Variants in ERP44 observed in about 807,000 individuals in gnomAD.
ERP44 encodes endoplasmic reticulum protein 44, also known as endoplasmic reticulum resident protein 44.
A neutral mutation model predicts 53.4 loss-of-function variants in ERP44; 25 were observed. The observed-to-expected ratio is 0.47, with a 90% confidence interval of 0.34 to 0.65. The LOEUF (loss-of-function observed/expected upper bound fraction) is 0.65. Among genes scored for constraint, ERP44 ranks in the 30% least tolerant of loss-of-function variants. The pLI, the probability that ERP44 is intolerant of heterozygous loss-of-function variation, is 0.01. For synonymous variants in ERP44, 145 were observed against 161.2 expected (o/e 0.90, Z 0.76); for missense variants, 338 against 493.2 (o/e 0.69, Z 2.98).
At chr9:100,015,532 G>A (rs555044541) in intron 8 of ERP44, among the ~76,000 whole-genome samples, 2 of 152,202 alleles carry the variant, frequency 1.3e-5, no homozygotes, top group South Asian at 4.2e-4. Context: ...GACTGAGGTC[G>A]GTTACCTATC....
intron 4 of ERP44, among the ~76,000 whole-genome samples, chr9:100,052,173 A>G (rs1313090035): frequency 1.2e-4 from 18 of 152,158 alleles, no homozygotes. Flanking sequence ...TTTTTTAAAT[A>G]ACAACAAAAA....
intron 10 of ERP44, among the ~76,000 whole-genome samples, chr9:99,997,417 A>G (rs1392062314): frequency 6.6e-6 from 1 of 152,182 alleles, no homozygotes; most frequent in Non-Finnish European, 1.5e-5. Context: ...TTTTTAACAA[A>G]ATTTTTATTT....
intron 7 of ERP44, among the ~76,000 whole-genome samples, chr9:100,016,785 A>C (rs1170135060): frequency 6.6e-6 from 1 of 152,246 alleles, no homozygotes; most frequent in Non-Finnish European, 1.5e-5. Flanking sequence ...AACATAGATC[A>C]TGGAACTTCC....
intron 10 of ERP44, among the ~76,000 whole-genome samples, chr9:99,997,242 G>A (rs1329203280): frequency 2.6e-5 from 4 of 152,104 alleles, no homozygotes; most frequent in African/African-American, 4.8e-5. Flanking sequence ...CACAGCGGCT[G>A]TACTAGTCTA....
At chr9:100,039,471 T>G (rs1012158678) in intron 4 of ERP44, among the ~76,000 whole-genome samples, 2 of 152,112 alleles carry the variant, frequency 1.3e-5, no homozygotes, top group African/African-American at 4.8e-5. Context: ...AATTGAAAAT[T>G]TTATTGAAAC....
intron 2 of ERP44, among the ~76,000 whole-genome samples, chr9:100,058,295 T>A (rs190932626): frequency 9.8e-5 from 15 of 152,302 alleles, no homozygotes; most frequent in Non-Finnish European, 2.1e-4. Context: ...CAGGCTGGTC[T>A]CGAACTCCTG....
At chr9:100,005,223 T>C (rs1196912797) in intron 10 of ERP44, among the ~76,000 whole-genome samples, 2 of 152,210 alleles carry the variant, frequency 1.3e-5, no homozygotes, top group South Asian at 2.1e-4. Context: ...CAAAACTTTA[T>C]ACCTACCTTC....
At chr9:99,995,416 T>C (rs1388665722) in intron 10 of ERP44, among the ~76,000 whole-genome samples, 1 of 152,216 alleles carries the variant, frequency 6.6e-6, no homozygotes, top group African/African-American at 2.4e-5. Flanking sequence ...TTCTCTATCA[T>C]ACAGGAAAAG....
intron 4 of ERP44, among the ~76,000 whole-genome samples, chr9:100,035,720 C>T (rs1825842807): frequency 6.6e-6 from 1 of 151,802 alleles, no homozygotes; most frequent in South Asian, 2.1e-4. Context: ...AATAAAAAAA[C>T]AAAAAGTGGA....
intron 3 of ERP44, among the ~76,000 whole-genome samples, chr9:100,054,052 G>T (rs1361844963): frequency 6.6e-6 from 1 of 152,120 alleles, no homozygotes; most frequent in South Asian, 2.1e-4. Context: ...TTCCTAAGGA[G>T]ATGTCCTAGA....
intron 3 of ERP44, among the ~76,000 whole-genome samples, chr9:100,055,683 T>C (rs941051478): frequency 6.6e-6 from 1 of 152,248 alleles, no homozygotes; most frequent in African/African-American, 2.4e-5. Flanking sequence ...GTGATTATCC[T>C]ACTTTGTACA....
chr9:100,035,959 C>A (rs928356326), intron 4 of ERP44, among the ~76,000 whole-genome samples: 3 of 152,142 alleles, frequency 2.0e-5, no homozygotes, highest in African/African-American at 7.2e-5. Flanking sequence ...GGAAAGTAAA[C>A]TACTCCAACT....
rs1000971119 is a variant in ERP44 at position 100,008,080 on chromosome 9, C to T, written c.763-391G>A. The stretch of plus-strand genomic sequence containing the variant: ...GGTAAACATGACTAGTATTTTCAGT[C>T]TTCACAAGTAACAGTGAAAAACAGT... On this transcript the variant is annotated intron_variant, in intron 8 of 11. Coordinates refer to ENST00000262455, the MANE Select transcript of ERP44 (RefSeq NM_015051.3). 2.0e-5 allele frequency among the ~76,000 whole-genome samples: 3 copies of T among 152,126 alleles called. No individual in the cohort carries two copies. In the South Asian group the frequency reaches 6.2e-4, roughly 32 times the overall value.
chr9:100,088,504 A>G (rs1485278587), intron 1 of ERP44, among the ~76,000 whole-genome samples: 1 of 152,174 alleles, frequency 6.6e-6, no homozygotes, highest in Non-Finnish European at 1.5e-5. Context: ...TACACTCCTG[A>G]TCCTTCTCAC....
chr9:100,055,082 T>C (rs1467378446), intron 3 of ERP44, among the ~76,000 whole-genome samples: 1 of 152,150 alleles, frequency 6.6e-6, no homozygotes, highest in African/African-American at 2.4e-5. Flanking sequence ...CACCACTTAC[T>C]AGCCATATGA....
At chr9:99,994,796 G>A (rs918401434) in intron 10 of ERP44, among the ~76,000 whole-genome samples, 1 of 152,092 alleles carries the variant, frequency 6.6e-6, no homozygotes, top group African/African-American at 2.4e-5. Context: ...TAGGTAATGT[G>A]AGTCCTCCAA....
At chr9:100,017,637 T>C (rs1293816279) in intron 7 of ERP44, among the ~76,000 whole-genome samples, 1 of 152,056 alleles carries the variant, frequency 6.6e-6, no homozygotes, top group Non-Finnish European at 1.5e-5. Context: ...AAATGAAAAC[T>C]ATAAATTGAA....
chr9:100,060,306 T>C, intron 1 of ERP44, 134 bp from the exon 2 acceptor site: 2 of 1,017,114 alleles, frequency 2.0e-6, no homozygotes, highest in Non-Finnish European at 2.6e-6. Context: ...GAATCTTTAT[T>C]ATCTAGTCTA....
chr9:100,047,045 T>C (rs1825979257), intron 4 of ERP44, among the ~76,000 whole-genome samples: 2 of 152,166 alleles, frequency 1.3e-5, no homozygotes, highest in African/African-American at 4.8e-5. Context: ...CAGAACCATA[T>C]GCAAACAATT....
Sources: allele counts gnomAD v4.1 joint callset (sites outside exome capture counted in the v4.1 genomes callset), GRCh38; gene constraint gnomAD v4.1.1; transcripts MANE v1.5; gene names NCBI Gene and HGNC (gene_info 2026-07-23, HGNC 2026-07-21).